FSTL4: variants seen among roughly 807,000 people sequenced by gnomAD.
The protein encoded by FSTL4 is follistatin like 4.
FSTL4 carries 28 observed loss-of-function variants against 78.2 expected under a neutral mutation model. The observed-to-expected ratio is 0.36, with a 90% CI of 0.27 to 0.49. The LOEUF (loss-of-function observed/expected upper bound fraction) is 0.49. FSTL4 is among the 20% of genes least tolerant of loss of function. FSTL4 has a pLI of 0.98. For synonymous variants in FSTL4, 422 were observed against 440.5 expected, an observed-to-expected ratio of 0.96 and a Z score of 0.53; for missense variants, 922 against 1,084.9, an observed-to-expected ratio of 0.85 and a Z score of 2.11.
At chr5:133,607,864 C>T (rs1190339517) in intron 1 of FSTL4, among the ~76,000 whole-genome samples, 1 of 149,922 alleles carries the variant, frequency 6.7e-6, no homozygotes, top group African/African-American at 2.5e-5. Flanking sequence ...CCTCAGTCCT[C>T]ACTGCTGCTC....
intron 3 of FSTL4, among the ~76,000 whole-genome samples, chr5:133,526,733 A>G (rs1759109033): frequency 3.9e-5 from 6 of 151,992 alleles, no homozygotes; most frequent in Admixed American, 3.3e-4. Context: ...GGGGATGAGG[A>G]CTTTGACCAC....
chr5:133,728,216 A>G, the FSTL4 span, among the ~76,000 whole-genome samples: 1 of 152,270 alleles, frequency 6.6e-6, no homozygotes, highest in Non-Finnish European at 1.5e-5. Context: ...TCACTAGCAC[A>G]TAGCAGATTC....
intron 3 of FSTL4, among the ~76,000 whole-genome samples, chr5:133,493,522 A>C (rs1758311192): frequency 6.6e-6 from 1 of 152,198 alleles, no homozygotes; most frequent in African/African-American, 2.4e-5. Context: ...CCATTTTCAC[A>C]GAGAGGGCAG....
chr5:133,542,090 AC>A (rs1194991630), intron 3 of FSTL4, among the ~76,000 whole-genome samples: 12 of 152,188 alleles, frequency 7.9e-5, no homozygotes, highest in Admixed American at 5.2e-4. Flanking sequence ...TATACTAAAT[AC>A]ATTTATTATT....
At chr5:133,670,087 C>T in the FSTL4 span, among the ~76,000 whole-genome samples, 39 of 152,280 alleles carry the variant, frequency 2.6e-4, no homozygotes, top group East Asian at 6.0e-3. Context: ...TCCTTCCCTC[C>T]GACAACACAC....
At chr5:133,389,011 T>C (rs1755775366) in intron 4 of FSTL4, among the ~76,000 whole-genome samples, 3 of 152,338 alleles carry the variant, frequency 2.0e-5, no homozygotes, top group South Asian at 4.1e-4. Context: ...TATTCTTTCC[T>C]TACCTCCCCC....
intron 6 of FSTL4, among the ~76,000 whole-genome samples, chr5:133,253,045 C>T (rs1323294017): frequency 6.6e-6 from 1 of 152,204 alleles, no homozygotes; most frequent in East Asian, 1.9e-4. Context: ...ATATTTGGAT[C>T]ACTTAAAATT....
At chr5:133,658,744 T>A in the FSTL4 span, among the ~76,000 whole-genome samples, 1 of 152,152 alleles carries the variant, frequency 6.6e-6, no homozygotes, top group Non-Finnish European at 1.5e-5. Context: ...TTTCTTAATT[T>A]CTAGTAAATT....
the FSTL4 span, among the ~76,000 whole-genome samples, chr5:133,766,725 C>T: frequency 2.0e-5 from 3 of 152,132 alleles, no homozygotes; most frequent in Non-Finnish European, 2.9e-5. Context: ...ATCCAAGTGC[C>T]GAGTTCCAGG....
chr5:133,828,628 T>C, the FSTL4 span, among the ~76,000 whole-genome samples: 1 of 152,210 alleles, frequency 6.6e-6, no homozygotes, highest in East Asian at 1.9e-4. Flanking sequence ...CATCAGGCAC[T>C]ATGGGCACCG....
intron 2 of FSTL4, among the ~76,000 whole-genome samples, chr5:133,593,797 C>G (rs760777957): frequency 6.6e-6 from 1 of 152,100 alleles, no homozygotes; most frequent in Non-Finnish European, 1.5e-5. Flanking sequence ...ATCTTAATTT[C>G]GACATTATAT....
At chr5:133,532,925 C>G (rs1230292877) in intron 3 of FSTL4, among the ~76,000 whole-genome samples, 1 of 152,144 alleles carries the variant, frequency 6.6e-6, no homozygotes, top group East Asian at 1.9e-4. Flanking sequence ...AAAACACAGC[C>G]AGGGCAGGTG....
At chr5:133,615,542 G>C (rs1365211059), upstream of FSTL4, among the ~76,000 whole-genome samples, 4 of 152,088 alleles carry the variant, frequency 2.6e-5, no homozygotes, top group Non-Finnish European at 5.9e-5. Context: ...ACATGTCTAA[G>C]GCCATTTTCA....
At chr5:133,683,549 G>A in the FSTL4 span, among the ~76,000 whole-genome samples, 5 of 152,136 alleles carry the variant, frequency 3.3e-5, no homozygotes, top group Non-Finnish European at 5.9e-5. Context: ...AAGTCGGCAC[G>A]TTCACAGGCC....
chr5:133,339,302 C>A (rs1045740402), intron 4 of FSTL4, among the ~76,000 whole-genome samples: 2 of 152,170 alleles, frequency 1.3e-5, no homozygotes, highest in Non-Finnish European at 2.9e-5. Flanking sequence ...GGTAGTGCAA[C>A]CCTGAATAGG....
intron 4 of FSTL4, among the ~76,000 whole-genome samples, chr5:133,344,999 C>G (rs1199600611): frequency 6.8e-6 from 1 of 146,148 alleles, no homozygotes; most frequent in Non-Finnish European, 1.5e-5. Context: ...GACGGAGTCT[C>G]GCTCTGTCTC....
chr5:133,309,940 G>A (rs1023991777), intron 6 of FSTL4, among the ~76,000 whole-genome samples: 23 of 152,246 alleles, frequency 1.5e-4, no homozygotes, highest in African/African-American at 5.1e-4. Context: ...TGAAATGTTT[G>A]AGATATTACT....
the FSTL4 span, among the ~76,000 whole-genome samples, chr5:133,775,146 T>C: frequency 7.2e-5 from 11 of 152,356 alleles, no homozygotes; most frequent in Admixed American, 5.9e-4. Context: ...GACAAGTTTC[T>C]ATAGAAGGTC....
intron 2 of FSTL4, among the ~76,000 whole-genome samples, chr5:133,594,402 A>C (rs1052958954): frequency 5.3e-5 from 8 of 152,228 alleles, no homozygotes; most frequent in African/African-American, 1.9e-4. Context: ...CATGTTGGCC[A>C]GGCTGGTCTC....
Sources: gnomAD v4.1 joint callset for allele counts (sites outside exome capture counted in the v4.1 genomes callset) on GRCh38, gnomAD v4.1.1 for gene constraint, MANE v1.5 for transcripts, NCBI Gene and HGNC (gene_info 2026-07-23, HGNC 2026-07-21) for gene names.